The following SGCZ variants were observed in gnomAD, a reference collection of about 807,000 sequenced individuals.
SGCZ encodes the protein zeta-sarcoglycan.
A neutral mutation model predicts 41.3 loss-of-function variants in SGCZ; 40 were observed. The ratio of observed to expected loss-of-function variants is 0.97; its 90% CI spans 0.75 to 1.26. SGCZ has a LOEUF of 1.26. Among genes scored for constraint, SGCZ ranks in the 50% most tolerant of loss-of-function variants. The pLI is 0.00. For missense variants in SGCZ, 552 were observed against 369.8 expected, an observed-to-expected ratio of 1.49 and a Z score of -4.04; for synonymous variants, 206 against 137.5, an observed-to-expected ratio of 1.50 and a Z score of -3.49.
chr8:15,225,976 A>G (rs1261299211), intron 1 of SGCZ, among the ~76,000 whole-genome samples: 2 of 152,276 alleles, frequency 1.3e-5, no homozygotes, highest in African/African-American at 4.8e-5. Context: ...ACTAGTCCAC[A>G]TTGTAACCCC....
At chr8:15,055,278 T>C (rs1407020060) in intron 1 of SGCZ, among the ~76,000 whole-genome samples, 1 of 152,198 alleles carries the variant, frequency 6.6e-6, no homozygotes, top group African/African-American at 2.4e-5. Flanking sequence ...GATATTATGC[T>C]CAAAATAAAG....
intron 1 of SGCZ, among the ~76,000 whole-genome samples, chr8:14,657,581 T>A (rs1807617104): frequency 1.3e-5 from 2 of 152,148 alleles, no homozygotes; most frequent in South Asian, 2.1e-4. Context: ...TCTTGGGAAC[T>A]TTCTGAATTT....
chr8:14,861,699 G>A (rs1238864532), intron 1 of SGCZ, among the ~76,000 whole-genome samples: 2 of 151,960 alleles, frequency 1.3e-5, no homozygotes, highest in African/African-American at 4.8e-5. Context: ...GCTTGAACAA[G>A]TGGTCTTGCA....
chr8:14,619,592 G>C (rs1806217666), intron 1 of SGCZ, among the ~76,000 whole-genome samples: 1 of 152,142 alleles, frequency 6.6e-6, no homozygotes, highest in Non-Finnish European at 1.5e-5. Context: ...CTTCAGCAAA[G>C]TCTCAGGATA....
chr8:14,399,988 G>A (rs936385879), intron 2 of SGCZ, among the ~76,000 whole-genome samples: 1 of 151,980 alleles, frequency 6.6e-6, no homozygotes, highest in African/African-American at 2.4e-5. Flanking sequence ...TTAGCTATCA[G>A]TTCCCATTTT....
At chr8:14,182,249 A>G (rs1290849595) in intron 4 of SGCZ, among the ~76,000 whole-genome samples, 1 of 152,188 alleles carries the variant, frequency 6.6e-6, no homozygotes, top group Non-Finnish European at 1.5e-5. Context: ...GCATATGTCC[A>G]CTGATTGAAC....
At chr8:15,002,251 T>C (rs1011917673) in intron 1 of SGCZ, among the ~76,000 whole-genome samples, 3 of 150,608 alleles carry the variant, frequency 2.0e-5, no homozygotes, top group African/African-American at 7.3e-5. Context: ...CCTAGTGCAG[T>C]GATATTTGCC....
chr8:14,463,405 TA>T (rs55785142), intron 2 of SGCZ, among the ~76,000 whole-genome samples: 9,929 of 128,326 alleles, frequency 0.077, 751 homozygotes, highest in African/African-American at 0.21. Context: ...ACAAGTGGTG[TA>T]AAAAAAAAAA....
chr8:14,229,926 T>A (rs1268413636), intron 4 of SGCZ, among the ~76,000 whole-genome samples: 1 of 152,138 alleles, frequency 6.6e-6, no homozygotes, highest in Non-Finnish European at 1.5e-5. Context: ...ACTTAAACTG[T>A]TTTGTGGATT....
At chr8:14,623,243 G>T (rs1486396675) in intron 1 of SGCZ, among the ~76,000 whole-genome samples, 1 of 152,116 alleles carries the variant, frequency 6.6e-6, no homozygotes, top group Non-Finnish European at 1.5e-5. Flanking sequence ...TTCAAATCAA[G>T]CTTGCAAAAC....
intron 1 of SGCZ, among the ~76,000 whole-genome samples, chr8:15,110,292 A>G (rs1215249083): frequency 1.3e-5 from 2 of 152,202 alleles, no homozygotes; most frequent in African/African-American, 4.8e-5. Context: ...CAGTGTCAGT[A>G]TTATCTGAAG....
At chr8:14,808,024 C>A (rs1371556708) in intron 1 of SGCZ, among the ~76,000 whole-genome samples, 2 of 151,694 alleles carry the variant, frequency 1.3e-5, no homozygotes, top group Non-Finnish European at 2.9e-5. Flanking sequence ...AACTGGCTAG[C>A]CATATGTAGA....
At chr8:14,505,015 A>G (rs185012208) in intron 2 of SGCZ, among the ~76,000 whole-genome samples, 3 of 152,124 alleles carry the variant, frequency 2.0e-5, no homozygotes, top group African/African-American at 7.2e-5. Flanking sequence ...ATACTCCTAG[A>G]TATAAAATTT....
Position 15,060,405 on chromosome 8 carries a change from A to G in SGCZ, c.39+177180T>C, listed in dbSNP as rs547869458. Among the ~76,000 whole-genome samples the G allele has an allele frequency of 2.6e-5, 4 of 151,846 alleles. No individual in the cohort carries two copies. The South Asian group carries it at 8.3e-4, about 32-fold the overall frequency. On this transcript the variant is annotated intron_variant, in intron 1 of 7. Coordinates refer to ENST00000382080, the MANE Select transcript of SGCZ (RefSeq NM_139167.4). ...GAAGCTGGAAACCATCATTCTCAGCAAACTATCACAAGGACAGAAAACCAA... is the reference window on the plus strand; with the variant it reads ...GAAGCTGGAAACCATCATTCTCAGCGAACTATCACAAGGACAGAAAACCAA...
chr8:14,705,509 G>A (rs1245951774), intron 1 of SGCZ, among the ~76,000 whole-genome samples: 1 of 151,892 alleles, frequency 6.6e-6, no homozygotes, highest in Non-Finnish European at 1.5e-5. Context: ...TTACTGCATT[G>A]CAAACCTTGT....
At chr8:15,001,769 G>C (rs547765070) in intron 1 of SGCZ, among the ~76,000 whole-genome samples, 18 of 150,054 alleles carry the variant, frequency 1.2e-4, no homozygotes, top group African/African-American at 3.7e-4. Context: ...AAGGAGTTGA[G>C]TGTAATAATG....
chr8:14,269,103 T>G (rs1585302348), intron 3 of SGCZ, among the ~76,000 whole-genome samples: 1 of 152,102 alleles, frequency 6.6e-6, no homozygotes, highest in African/African-American at 2.4e-5. Context: ...ATATTCTCTA[T>G]GATATAGTCA....
At chr8:14,309,250 C>G in intron 3 of SGCZ, 1 of 1,529,264 alleles carries the variant, frequency 6.5e-7, no homozygotes, top group South Asian at 1.1e-5. Context: ...CTCTGTACAA[C>G]CATATCCAGT....
chr8:14,302,575 G>A (rs1224078647), intron 3 of SGCZ, among the ~76,000 whole-genome samples: 1 of 152,042 alleles, frequency 6.6e-6, no homozygotes, highest in African/African-American at 2.4e-5. Flanking sequence ...TACTCAGAGA[G>A]CTTTGACTCT....
Sources: gnomAD v4.1 joint callset for allele counts (sites outside exome capture counted in the v4.1 genomes callset) on GRCh38, gnomAD v4.1.1 for gene constraint, MANE v1.5 for transcripts, NCBI Gene and HGNC (gene_info 2026-07-23, HGNC 2026-07-21) for gene names.